Variants in IPO9 observed in about 807,000 individuals in gnomAD.
IPO9 encodes importin 9, also known as importin-9.
IPO9 carries 28 observed loss-of-function variants against 128.6 expected under a neutral mutation model. The observed-to-expected ratio is 0.22, with a 90% CI of 0.16 to 0.30. The LOEUF (loss-of-function observed/expected upper bound fraction) is 0.30. Among genes scored for constraint, IPO9 ranks in the 10% least tolerant of loss-of-function variants. IPO9 has a pLI of 1.00. For missense variants in IPO9, 935 were observed against 1,293.9 expected (o/e 0.72, Z 4.26); for synonymous variants, 455 against 475.8 (o/e 0.96, Z 0.57).
Position 201,872,871 on chromosome 1 carries a change from G to A in IPO9, c.2620G>A (p.Asp874Asn). Residue 874 changes from aspartate (D) to asparagine (N), a missense_variant, in exon 20 of 24, where the codon GAT becomes AAT. Asp to Asn is a conservative substitution (Grantham distance 23). This residue lies in a region of IPO9 where 188 missense variants were observed against 246.7 expected (regional missense o/e 0.76). Transcript: ENST00000361565. ...CKLLQHGINA[D>N]DKRLQDIRVK... The stretch of plus-strand genomic sequence containing the variant: ...GCTGCTCCAGCATGGCATCAATGCA[G>A]ATGACAAACGGCTACAGGATATCCG... 1.2e-6 allele frequency: 2 copies of A among 1,614,048 alleles called. No individual in the cohort carries two copies. Among genetic ancestry groups the A allele is most frequent in the South Asian group, 1.1e-5 (1 of 91,060 alleles).
intron 19 of IPO9, among the ~76,000 whole-genome samples, chr1:201,872,606 A>AAACAACAAC (rs147575517): frequency 7.4e-5 from 11 of 147,740 alleles, no homozygotes; most frequent in Admixed American, 6.0e-4. Context: ...CCTATCTCAA[A>AAACAACAAC]AACAACAACA....
In IPO9 at chr1:201,870,807, T is replaced by C; in HGVS notation, c.2358T>C (p.Leu786=). ...RELGENLDQI[L]RAILSKMQQA... ...TCGGGGAGAATCTAGACCAGATTCT[T>C]CGTGCCATCCTCAGTAAGATGCAGC... Residue 786 remains leucine (L), a synonymous_variant, in exon 18 of 24, where the codon CTT becomes CTC. Transcript: ENST00000361565. This position sits in a 1 kb window ranked among gnomAD's most constrained non-coding sequence, Gnocchi z 4.9. 1 of 1,614,172 alleles carries C rather than the reference T, an allele frequency of 6.2e-7. No homozygotes were observed.
In IPO9 at chr1:201,855,887, G is replaced by A; in HGVS notation, c.1075G>A (p.Glu359Lys). The A allele has an allele frequency of 6.2e-7, 1 of 1,611,510 alleles. No individual in the cohort carries two copies. The highest frequency in any genetic ancestry group is 8.5e-7 in the Non-Finnish European group (1 of 1,179,356). ...FKSTVKKALPELIYYIILYMQ... is the reference protein window; with the variant it reads ...FKSTVKKALPKLIYYIILYMQ... The stretch of plus-strand genomic sequence containing the variant: ...AAGCACTGTTAAGAAAGCCTTGCCT[G>A]AATTGATTTATTATATTATCCTGTA... Residue 359 changes from glutamate (E) to lysine (K), a missense_variant, in exon 10 of 24, where the codon GAA becomes AAA. Coordinates refer to ENST00000361565, the MANE Select transcript of IPO9 (RefSeq NM_018085.5).
At chr1:201,868,824 TGTGTGA>T in intron 16 of IPO9, 28 bp downstream of exon 16, 13 of 1,577,380 alleles carry the variant, frequency 8.2e-6, no homozygotes, top group Non-Finnish European at 9.5e-6. Context: ...TGTGTGTGTG[TGTGTGA>T]GAGAGATCTA....
intron 2 of IPO9, 79 bp from the exon 3 acceptor site, chr1:201,847,473 G>A: frequency 7.3e-7 from 1 of 1,364,318 alleles, no homozygotes; most frequent in Non-Finnish European, 1.0e-6. Context: ...TACTTCAGAT[G>A]TATCAGGCTA....
intron 9 of IPO9, 36 bp from the exon 10 acceptor site, chr1:201,855,747 T>C: frequency 6.3e-7 from 1 of 1,583,198 alleles, no homozygotes; most frequent in Non-Finnish European, 8.6e-7. Context: ...TTTTGCTTTC[T>C]TGTCATTAAT....
At chr1:201,861,297 G>A (rs1033716639) in intron 13 of IPO9, among the ~76,000 whole-genome samples, 1 of 152,140 alleles carries the variant, frequency 6.6e-6, no homozygotes, top group Admixed American at 6.5e-5. Context: ...CACTTACAGT[G>A]GTTGGACTTA....
chr1:201,867,045 G>T, intron 15 of IPO9, 86 bp downstream of exon 15: 1 of 1,121,502 alleles, frequency 8.9e-7, no homozygotes, highest in South Asian at 1.3e-5. Flanking sequence ...CCCTAGGTCT[G>T]GTCTTAGCTA....
intron 1 of IPO9, among the ~76,000 whole-genome samples, chr1:201,837,095 G>A (rs1011077677): frequency 6.6e-6 from 1 of 152,136 alleles, no homozygotes; most frequent in African/African-American, 2.4e-5. Flanking sequence ...TTGGGTTTTT[G>A]GCCCCTACGT....
chr1:201,856,711 G>C (rs980178754), intron 10 of IPO9, among the ~76,000 whole-genome samples: 1 of 152,126 alleles, frequency 6.6e-6, no homozygotes, highest in Non-Finnish European at 1.5e-5. Context: ...TTTTGGGACA[G>C]GGTCTTGCTG....
At chr1:201,851,865 G>A (rs1680224540) in intron 4 of IPO9, among the ~76,000 whole-genome samples, 1 of 152,044 alleles carries the variant, frequency 6.6e-6, no homozygotes, top group Non-Finnish European at 1.5e-5. Context: ...TTATATTAAA[G>A]TTTTCTTTTT....
intron 1 of IPO9, 103 bp from the exon 2 acceptor site, chr1:201,847,176 A>T (rs1402825368): frequency 2.3e-5 from 19 of 831,140 alleles, no homozygotes; most frequent in Non-Finnish European, 8.1e-6. Flanking sequence ...GAAACAACAG[A>T]TTAAGTTTCT....
Position 201,869,419 on chromosome 1 carries a change from G to C in IPO9, c.2005-171G>C, listed in dbSNP as rs145236614. On this transcript the variant is annotated intron_variant, in intron 16 of 23. Transcript: ENST00000361565. ...CTAATCAATTAGTAAGCTATTATGA[G>C]AAGGCTGAGAGTACTACCCATTTAA... 3.0e-3 allele frequency among the ~76,000 whole-genome samples: 450 copies of C among 152,276 alleles called. 1 individual carries two copies. Among genetic ancestry groups the C allele is most frequent in the African/African-American group, 0.011 (441 of 41,522 alleles).
At chr1:201,857,277 G>C in intron 11 of IPO9, 83 bp downstream of exon 11, 1 of 911,792 alleles carries the variant, frequency 1.1e-6, no homozygotes, top group South Asian at 1.4e-5. Flanking sequence ...ACTAATCCAA[G>C]GTGAGCAGTG....
At chr1:201,853,231 A>G (rs1680257634) in intron 6 of IPO9, 134 bp downstream of exon 6, 4 of 724,010 alleles carry the variant, frequency 5.5e-6, no homozygotes, top group African/African-American at 1.8e-5. Context: ...CATTTTTATT[A>G]AATTATTGTT....
In IPO9 at chr1:201,878,696, C is replaced by T. The variant is rs1042727162; in HGVS notation, c.*2642C>T. On this transcript the variant is annotated 3_prime_UTR_variant, in exon 24 of 24. Transcript: ENST00000361565. ...TGTGTTTCCAGTGCATTTTCATATACATTATCCCATTTAACCTTTATAACA... is the reference window on the plus strand; with the variant it reads ...TGTGTTTCCAGTGCATTTTCATATATATTATCCCATTTAACCTTTATAACA... The T allele has an allele frequency of 6.6e-6, 1 of 152,252 alleles. No homozygotes were observed. The highest frequency in any genetic ancestry group is 1.5e-5 in the Non-Finnish European group (1 of 68,046). The allele number at this position is 152,252 out of a possible 1,614,324, so 9.4% of individuals were successfully genotyped here. A position where few individuals can be genotyped will look rare whatever the true frequency, so the allele number is the denominator to read the frequency against.
intron 23 of IPO9, 57 bp from the exon 24 acceptor site, chr1:201,875,887 A>T: frequency 9.3e-7 from 1 of 1,071,628 alleles, no homozygotes; most frequent in Non-Finnish European, 1.4e-6. Context: ...TTCTTGCTCC[A>T]CTGCAAATGG....
chr1:201,855,114 TTCA>T lies in IPO9; in HGVS notation c.912-5_912-3del. On this transcript the variant is annotated splice_region_variant and splice_polypyrimidine_tract_variant and intron_variant, in intron 8 of 23. Transcript: ENST00000361565. Reference sequence around the variant, plus strand: ...GACTCCAAATTCTATTTCTTTACTCTTCATCATACTTATGTGAGGACAGAAGTA... The same window carrying T: ...GACTCCAAATTCTATTTCTTTACTCTTCATACTTATGTGAGGACAGAAGTA... The T allele has an allele frequency of 6.4e-7, 1 of 1,560,436 alleles. No homozygotes were observed. The highest frequency in any genetic ancestry group is 1.4e-5 in the African/African-American group (1 of 73,708).
At chr1:201,854,980 A>T (rs950361084) in intron 8 of IPO9, 57 bp downstream of exon 8, 1 of 1,436,148 alleles carries the variant, frequency 7.0e-7, no homozygotes, top group African/African-American at 1.4e-5. Context: ...GGAATCTCGC[A>T]CTGGGTTTCA....
Sources: gnomAD v4.1 joint callset for allele counts (sites outside exome capture counted in the v4.1 genomes callset) on GRCh38, gnomAD v4.1.1 for gene constraint, gnomAD v4.1.1 regional missense constraint, Gnocchi (gnomAD v3.1) non-coding constraint, MANE v1.5 for transcripts, NCBI Gene and HGNC (gene_info 2026-07-23, HGNC 2026-07-21) for gene names.